MPP7: variants seen among roughly 807,000 people sequenced by gnomAD.
MPP7 encodes MAGUK p55 scaffold protein 7, also known as MAGUK p55 subfamily member 7.
A neutral mutation model predicts 76.5 loss-of-function variants in MPP7; 60 were observed. The observed-to-expected ratio is 0.78, with a 90% CI of 0.64 to 0.97. MPP7 has a LOEUF of 0.97. Among genes scored for constraint, MPP7 ranks in the 50% least tolerant of loss-of-function variants. MPP7 has a pLI of 0.00. For missense variants in MPP7, 641 were observed against 694.0 expected, an observed-to-expected ratio of 0.92 and a Z score of 0.86; for synonymous variants, 237 against 244.5, an observed-to-expected ratio of 0.97 and a Z score of 0.29.
intron 11 of MPP7, among the ~76,000 whole-genome samples, chr10:28,092,641 C>T (rs756018298): frequency 2.8e-5 from 4 of 140,364 alleles, no homozygotes; most frequent in Admixed American, 7.8e-5. Context: ...GGCAGGATCT[C>T]GGCTCTCTGA....
chr10:28,125,121 G>A (rs372618357), intron 6 of MPP7, 30 bp from the exon 7 acceptor site: 1 of 1,564,076 alleles, frequency 6.4e-7, no homozygotes, highest in Non-Finnish European at 8.8e-7. Flanking sequence ...AAGCATTTGT[G>A]GGTAAATGTG....
At chr10:28,296,195 C>T (rs1200803504) in intron 1 of MPP7, among the ~76,000 whole-genome samples, 1 of 152,150 alleles carries the variant, frequency 6.6e-6, no homozygotes, top group Non-Finnish European at 1.5e-5. Flanking sequence ...TTTTAATCTG[C>T]CTGGCTACTT....
intron 1 of MPP7, among the ~76,000 whole-genome samples, chr10:28,253,011 G>C (rs1277369899): frequency 1.3e-5 from 2 of 152,078 alleles, no homozygotes; most frequent in Admixed American, 1.3e-4. Flanking sequence ...TGGTTCAAGC[G>C]ATTCTCCTTC....
At chr10:28,324,132 G>A (rs1206464209) in intron 2 of MPP7, among the ~76,000 whole-genome samples, 1 of 152,100 alleles carries the variant, frequency 6.6e-6, no homozygotes, top group Non-Finnish European at 1.5e-5. Context: ...ATATTAGGAG[G>A]CAGGGTCTTT....
intron 1 of MPP7, among the ~76,000 whole-genome samples, chr10:28,294,825 A>G (rs1438820967): frequency 6.6e-6 from 1 of 152,200 alleles, no homozygotes; most frequent in Non-Finnish European, 1.5e-5. Context: ...ACTTACATTC[A>G]CAACAAAATA....
intron 1 of MPP7, among the ~76,000 whole-genome samples, chr10:28,274,101 CTTTTTT>C (rs60127503): frequency 8.1e-6 from 1 of 123,658 alleles, no homozygotes. Flanking sequence ...AAATTTTTTT[CTTTTTT>C]TTTTTTTTTT....
intron 1 of MPP7, among the ~76,000 whole-genome samples, chr10:28,279,207 G>A (rs1840593961): frequency 2.0e-5 from 3 of 152,054 alleles, no homozygotes; most frequent in African/African-American, 7.3e-5. Flanking sequence ...ATCTCCTAAG[G>A]AAGCTAAGAG....
intron 1 of MPP7, among the ~76,000 whole-genome samples, chr10:28,262,773 T>C (rs1427535374): frequency 6.6e-6 from 1 of 152,082 alleles, no homozygotes; most frequent in Non-Finnish European, 1.5e-5. Context: ...ATCTCACATT[T>C]AGCCGGACGC....
intron 2 of MPP7, among the ~76,000 whole-genome samples, chr10:28,233,054 G>A (rs1838942084): frequency 6.6e-6 from 1 of 152,108 alleles, no homozygotes; most frequent in Admixed American, 6.6e-5. Flanking sequence ...AAACTATAAA[G>A]ATAGTATGGC....
intron 1 of MPP7, among the ~76,000 whole-genome samples, chr10:28,246,689 G>A (rs141958244): frequency 1.6e-3 from 249 of 152,180 alleles, no homozygotes; most frequent in African/African-American, 5.6e-3. Context: ...AGGGGAAACT[G>A]CCAAACGCTT....
chr10:28,213,754 T>C (rs183290821), intron 2 of MPP7, among the ~76,000 whole-genome samples: 29 of 143,606 alleles, frequency 2.0e-4, no homozygotes, highest in Non-Finnish European at 3.7e-4. Context: ...ATCATGCCAT[T>C]GCACTCCAAC....
At chr10:28,190,830 G>A (rs1837389933) in intron 3 of MPP7, among the ~76,000 whole-genome samples, 1 of 151,590 alleles carries the variant, frequency 6.6e-6, no homozygotes, top group South Asian at 2.1e-4. Flanking sequence ...AAAAAAAACA[G>A]AGAAAAATCA....
At chr10:28,270,758 T>G (rs1259464779) in intron 1 of MPP7, among the ~76,000 whole-genome samples, 1 of 152,164 alleles carries the variant, frequency 6.6e-6, no homozygotes, top group Non-Finnish European at 1.5e-5. Context: ...TAAATCAGAG[T>G]TCATCAGAAA....
At chr10:28,216,762 T>C (rs1347982037) in intron 2 of MPP7, among the ~76,000 whole-genome samples, 1 of 152,176 alleles carries the variant, frequency 6.6e-6, no homozygotes, top group Non-Finnish European at 1.5e-5. Context: ...ATTCAAATTA[T>C]TCGATCTGTC....
At chr10:28,267,147 T>C (rs774282616) in intron 1 of MPP7, among the ~76,000 whole-genome samples, 3 of 152,188 alleles carry the variant, frequency 2.0e-5, no homozygotes, top group Non-Finnish European at 1.5e-5. Context: ...TTCACTTATA[T>C]ATTGTCTACA....
At chr10:28,222,509 A>T (rs868802806) in intron 2 of MPP7, among the ~76,000 whole-genome samples, 1 of 151,330 alleles carries the variant, frequency 6.6e-6, no homozygotes, top group East Asian at 2.0e-4. Context: ...AAAAAACAAT[A>T]AAAAAATTTA....
intron 11 of MPP7, among the ~76,000 whole-genome samples, chr10:28,106,084 T>C (rs2133540484): frequency 6.6e-6 from 1 of 152,198 alleles, no homozygotes; most frequent in East Asian, 1.9e-4. Flanking sequence ...AGCACAAAGC[T>C]CATCACCTTT....
chr10:28,174,097 T>C (rs1398115916), intron 3 of MPP7, among the ~76,000 whole-genome samples: 6 of 152,124 alleles, frequency 3.9e-5, no homozygotes, highest in Admixed American at 3.9e-4. Flanking sequence ...GCCCCCAAAG[T>C]GGCTTCAAAA....
At chr10:28,072,575 T>C (rs1387993991) in intron 12 of MPP7, among the ~76,000 whole-genome samples, 1 of 152,242 alleles carries the variant, frequency 6.6e-6, no homozygotes, top group Admixed American at 6.5e-5. Context: ...CTTTAGTACC[T>C]GACCCTTGTC....
Sources: allele counts gnomAD v4.1 joint callset (sites outside exome capture counted in the v4.1 genomes callset), GRCh38; gene constraint gnomAD v4.1.1; transcripts MANE v1.5; gene names NCBI Gene and HGNC (gene_info 2026-07-23, HGNC 2026-07-21).